TNRC18: variants seen among roughly 807,000 people sequenced by gnomAD.
TNRC18 encodes the protein trinucleotide repeat containing 18, also known as trinucleotide repeat-containing gene 18 protein.
TNRC18 carries 69 observed loss-of-function variants against 226.7 expected under a neutral mutation model. That is an observed-to-expected ratio of 0.30 (90% CI 0.25 to 0.37). TNRC18 has a LOEUF of 0.37. TNRC18 is among the 10% of genes least tolerant of loss of function. The probability of loss-of-function intolerance (pLI) is 1.00; values close to 1 mark genes in which losing one functional copy is unlikely to be tolerated. For synonymous variants in TNRC18, 2,449 were observed against 1,927.6 expected (o/e 1.27, Z -7.09); for missense variants, 4,754 against 4,256.6 (o/e 1.12, Z -3.25).
chr7:5,393,836 A>G (rs1417260190), intron 3 of TNRC18, among the ~76,000 whole-genome samples: 1 of 152,146 alleles, frequency 6.6e-6, no homozygotes, highest in Non-Finnish European at 1.5e-5. Context: ...GCAGAAATGC[A>G]GAAGAAAAGG....
intron 2 of TNRC18, among the ~76,000 whole-genome samples, chr7:5,398,644 T>C (rs1275050650): frequency 1.4e-5 from 2 of 141,626 alleles, no homozygotes; most frequent in East Asian, 4.3e-4. Context: ...AAAGACAGGG[T>C]CTCTCTCTGT....
At chr7:5,410,782 G>C (rs1781786815) in intron 2 of TNRC18, among the ~76,000 whole-genome samples, 1 of 139,510 alleles carries the variant, frequency 7.2e-6, no homozygotes. Flanking sequence ...TTCAGCGCTT[G>C]AACCCGTGGT....
At chr7:5,400,123 C>T (rs1398768243) in intron 2 of TNRC18, among the ~76,000 whole-genome samples, 2 of 152,002 alleles carry the variant, frequency 1.3e-5, no homozygotes, top group Non-Finnish European at 2.9e-5. Context: ...TCTAGAATTC[C>T]TGGGCTCAAG....
intron 18 of TNRC18, among the ~76,000 whole-genome samples, chr7:5,338,959 T>A (rs1790398955): frequency 1.4e-5 from 2 of 139,182 alleles, no homozygotes; most frequent in African/African-American, 5.4e-5. Flanking sequence ...GCATTCTGGC[T>A]CTCCACAACC....
chr7:5,348,861 C>T (rs1027974491), intron 17 of TNRC18, among the ~76,000 whole-genome samples: 1 of 151,548 alleles, frequency 6.6e-6, no homozygotes, highest in Non-Finnish European at 1.5e-5. Context: ...TGGGCCACAG[C>T]GGCAAAGCAG....
chr7:5,387,603 C>G, intron 5 of TNRC18, 69 bp downstream of exon 5: 4 of 1,577,430 alleles, frequency 2.5e-6, no homozygotes, highest in Non-Finnish European at 3.4e-6. Flanking sequence ...AGGGCCCACA[C>G]TGTAATGTAC....
Position 5,342,540 on chromosome 7 carries a change from G to T in TNRC18, c.5719+3022C>A, listed in dbSNP as rs186442217. The stretch of plus-strand genomic sequence containing the variant: ...TGCAGACGTGGTGGAAACAGCAATA[G>T]AACTCAAGTTAGAGTGGAGCCTGGA... On this transcript the variant is annotated intron_variant, in intron 18 of 29. Transcript: ENST00000430969. Among the ~76,000 whole-genome samples, 5 of 152,264 alleles carry T rather than the reference G, an allele frequency of 3.3e-5. No individual in the cohort carries two copies. The East Asian group carries it at 9.6e-4, about 29-fold the overall frequency.
At chr7:5,326,765 C>A (rs1376568707) in intron 19 of TNRC18, among the ~76,000 whole-genome samples, 1 of 151,540 alleles carries the variant, frequency 6.6e-6, no homozygotes, top group Admixed American at 6.6e-5. Context: ...CGAGATCGCG[C>A]CACCACACTC....
At chr7:5,356,397 T>C (rs1380054650) in intron 16 of TNRC18, among the ~76,000 whole-genome samples, 1 of 152,080 alleles carries the variant, frequency 6.6e-6, no homozygotes, top group Non-Finnish European at 1.5e-5. Context: ...CCTGCATCCA[T>C]AGCCGAGCAC....
chr7:5,357,795 G>A (rs1474499994), intron 15 of TNRC18, among the ~76,000 whole-genome samples: 1 of 152,154 alleles, frequency 6.6e-6, no homozygotes, highest in Non-Finnish European at 1.5e-5. Flanking sequence ...GCTTCAATGT[G>A]TAACTCTGTA....
chr7:5,396,320 C>G (rs1471080610), intron 2 of TNRC18, among the ~76,000 whole-genome samples: 1 of 152,096 alleles, frequency 6.6e-6, no homozygotes, highest in Non-Finnish European at 1.5e-5. Context: ...TGCACTCCCG[C>G]CTGGGCAACA....
chr7:5,371,128 G>A lies in TNRC18; in HGVS notation c.3466C>T (p.Arg1156Trp), dbSNP rs776771659. 36 of 1,611,602 alleles carry A rather than the reference G, an allele frequency of 2.2e-5. No homozygotes were observed. The highest frequency in any genetic ancestry group is 2.8e-5 in the Non-Finnish European group (33 of 1,178,804). ...TCCTCCACCTCTGCCTTCACCTCCC[G>A]CTCAGCCAGCGGTTCTTCCTCCGGG... ...EGPEEEPLAE[R>W]EVKAEVEDMD... is the part of the protein sequence containing the mutation. Residue 1156 changes from arginine (R) to tryptophan (W), a missense_variant, in exon 11 of 30, where the codon CGG becomes TGG. Arg to Trp is a moderately radical substitution (Grantham distance 101, BLOSUM62 -3). Transcript: ENST00000430969.
intron 17 of TNRC18, 27 bp downstream of exon 17, chr7:5,351,792 A>G: frequency 6.5e-7 from 1 of 1,547,984 alleles, no homozygotes; most frequent in East Asian, 2.3e-5. Context: ...GAAACACGGA[A>G]GGTATTTTGT....
At chr7:5,406,188 G>A (rs1348311763) in intron 2 of TNRC18, among the ~76,000 whole-genome samples, 2 of 152,200 alleles carry the variant, frequency 1.3e-5, no homozygotes, top group Non-Finnish European at 1.5e-5. Flanking sequence ...ACTAGGGCCA[G>A]GTGCAGTGGC....
At chr7:5,356,255 G>A (rs1792362633) in intron 16 of TNRC18, among the ~76,000 whole-genome samples, 1 of 151,812 alleles carries the variant, frequency 6.6e-6, no homozygotes, top group Non-Finnish European at 1.5e-5. Flanking sequence ...GCCGAACCAG[G>A]TTTAACCCCG....
intron 19 of TNRC18, among the ~76,000 whole-genome samples, 189 bp downstream of exon 19, chr7:5,332,433 A>G (rs1400432300): frequency 6.6e-6 from 1 of 152,192 alleles, no homozygotes; most frequent in Non-Finnish European, 1.5e-5. Context: ...GTTGACTCTT[A>G]AGAAACAAAG....
Position 5,377,334 on chromosome 7 carries a change from C to CCCA in TNRC18, c.2461+36_2461+37insTGG. The CCCA allele has an allele frequency of 1.4e-6, 2 of 1,384,178 alleles. No homozygotes were observed. Among genetic ancestry groups the CCCA allele is most frequent in the Non-Finnish European group, 2.0e-6 (2 of 1,023,582 alleles). The allele number at this position is 1,384,178 out of a possible 1,614,324, so 85.7% of individuals were successfully genotyped here. On this transcript the variant is annotated intron_variant, in intron 7 of 29. Coordinates refer to ENST00000430969, the MANE Select transcript of TNRC18 (RefSeq NM_001080495.3). The surrounding 1 kb of genome is among the most constrained non-coding windows in gnomAD (Gnocchi z 5.8). The stretch of plus-strand genomic sequence containing the variant: ...TGCACCCGCCCCCTCCCACCCCTCC[C>CCCA]TCAGAGAAGGGGAGAGACCCTGTGC...
In TNRC18 at chr7:5,319,357, G is replaced by A. The variant is rs185354173; in HGVS notation, c.6745+961C>T. On this transcript the variant is annotated intron_variant, in intron 24 of 29. Coordinates refer to ENST00000430969, the MANE Select transcript of TNRC18 (RefSeq NM_001080495.3). ...GAGTGGGCTTTTTTTTTGCACGGGCGGGGTTTGTCTAATCCACATCCATAC... is the reference window on the plus strand; with the variant it reads ...GAGTGGGCTTTTTTTTTGCACGGGCAGGGTTTGTCTAATCCACATCCATAC... 1.7e-3 allele frequency among the ~76,000 whole-genome samples: 256 copies of A among 152,086 alleles called. 2 individuals carry two copies. The highest frequency in any genetic ancestry group is 5.9e-3 in the African/African-American group (245 of 41,486).
chr7:5,394,489 G>C lies in TNRC18; in HGVS notation c.294C>G (p.Thr98=), dbSNP rs1177238949. The C allele has an allele frequency of 1.9e-6, 3 of 1,562,334 alleles. No homozygotes were observed. In the African/African-American group the frequency reaches 4.1e-5, roughly 21 times the overall value. ...LPSDLSFRSP[T]PSNLPMVQLW... is the part of the protein sequence containing the mutation. ...GCTGCACCATGGGCAGGTTGCTAGGGGTTGGGGAGCGGAAAGACAGGTCAG... is the reference window on the plus strand; with the variant it reads ...GCTGCACCATGGGCAGGTTGCTAGGCGTTGGGGAGCGGAAAGACAGGTCAG... The change falls in exon 3 of 30, where the codon ACC becomes ACG. Residue 98 remains threonine, a synonymous_variant. Coordinates refer to ENST00000430969, the MANE Select transcript of TNRC18 (RefSeq NM_001080495.3). This position sits in a 1 kb window ranked among gnomAD's most constrained non-coding sequence, Gnocchi z 4.5.
Sources: allele counts gnomAD v4.1 joint callset (sites outside exome capture counted in the v4.1 genomes callset), GRCh38; gene constraint gnomAD v4.1.1; non-coding constraint Gnocchi (gnomAD v3.1); transcripts MANE v1.5; gene names NCBI Gene and HGNC (gene_info 2026-07-23, HGNC 2026-07-21).